Variants in PCDHGA11 observed in about 807,000 individuals in gnomAD.
The protein encoded by PCDHGA11 is protocadherin gamma-A11.
A neutral mutation model predicts 60.4 loss-of-function variants in PCDHGA11; 39 were observed. That is an observed-to-expected ratio of 0.65 (90% CI 0.50 to 0.84). The LOEUF (loss-of-function observed/expected upper bound fraction) is 0.84, where lower values mean the gene tolerates loss of function less well. Ranked by LOEUF, PCDHGA11 falls within the 40% of genes least tolerant of loss-of-function variation. The pLI, the probability that PCDHGA11 is intolerant of heterozygous loss-of-function variation, is 0.00. For missense variants in PCDHGA11, 1,165 were observed against 1,197.7 expected, an observed-to-expected ratio of 0.97 and a Z score of 0.40; for synonymous variants, 533 against 510.3, an observed-to-expected ratio of 1.04 and a Z score of -0.60.
chr5:141,477,379 A>C lies in PCDHGA11; in HGVS notation c.2434-17428A>C, dbSNP rs1293075706. The stretch of plus-strand genomic sequence containing the variant: ...CAGACCTGGATCGGGAGACTGTGCC[A>C]GAATACAACCTCAGCATCACCGCCC... On this transcript the variant is annotated intron_variant, in intron 1 of 3. Transcript: ENST00000398587. This position sits in a 1 kb window ranked among gnomAD's most constrained non-coding sequence, Gnocchi z 4.9. 2 of 1,614,184 alleles carry C rather than the reference A, an allele frequency of 1.2e-6. No homozygotes were observed. Among genetic ancestry groups the C allele is most frequent in the Non-Finnish European group, 1.7e-6 (2 of 1,180,034 alleles).
rs2099391466 is a variant in PCDHGA11, at chr5:141,476,424, C to T, written c.2434-18383C>T. ...GAGGAGCTGTGTGGGACACTGCCCT[C>T]TTGCACTGTAACTCTGGAGTTGGTA... is the stretch of plus-strand genomic sequence containing the variant. On this transcript the variant is annotated intron_variant, in intron 1 of 3. Coordinates refer to ENST00000398587, the MANE Select transcript of PCDHGA11 (RefSeq NM_018914.3). This position sits in a 1 kb window ranked among gnomAD's most constrained non-coding sequence, Gnocchi z 7.6. 1 of 1,613,978 alleles carries T rather than the reference C, an allele frequency of 6.2e-7. No individual in the cohort carries two copies. The highest frequency in any genetic ancestry group is 1.1e-5 in the South Asian group (1 of 91,076).
Position 141,421,393 on chromosome 5 carries a change from G to A in PCDHGA11, c.166G>A (p.Glu56Lys). 1 of 1,614,038 alleles carries A rather than the reference G, an allele frequency of 6.2e-7. No homozygotes were observed. Among genetic ancestry groups the A allele is most frequent in the Non-Finnish European group, 8.5e-7 (1 of 1,179,910 alleles). The stretch of plus-strand genomic sequence containing the variant: ...CAATATCTCCAAGGACCTGGGGCTG[G>A]AGCCCCGGGAGCTGGCGAAGCGCGG... Reference protein sequence around the residue: ...VGNISKDLGLEPRELAKRGVR... With the variant: ...VGNISKDLGLKPRELAKRGVR... The change falls in exon 1 of 4, where the codon GAG becomes AAG. Residue 56 changes from glutamate to lysine, a missense_variant. Glu to Lys is a moderately conservative substitution (Grantham distance 56, BLOSUM62 1). Coordinates refer to ENST00000398587, the MANE Select transcript of PCDHGA11 (RefSeq NM_018914.3).
intron 1 of PCDHGA11, among the ~76,000 whole-genome samples, chr5:141,461,433 C>A (rs183800312): frequency 1.3e-5 from 2 of 151,970 alleles, no homozygotes; most frequent in Non-Finnish European, 1.5e-5. Context: ...CATTTGTATA[C>A]CTTCTTTTGA....
At chr5:141,468,140 C>T (rs910524133) in intron 1 of PCDHGA11, among the ~76,000 whole-genome samples, 3 of 151,942 alleles carry the variant, frequency 2.0e-5, no homozygotes, top group African/African-American at 7.2e-5. Flanking sequence ...GCCTGGCCAA[C>T]ATGGTGAAAC....
intron 1 of PCDHGA11, among the ~76,000 whole-genome samples, chr5:141,437,499 CA>C (rs2097890101): frequency 6.6e-6 from 1 of 152,076 alleles, no homozygotes; most frequent in African/African-American, 2.4e-5. Context: ...GATCACTTTT[CA>C]ATGAATTATA....
At chr5:141,467,987 A>G (rs888811899) in intron 1 of PCDHGA11, among the ~76,000 whole-genome samples, 10 of 152,216 alleles carry the variant, frequency 6.6e-5, no homozygotes, top group Non-Finnish European at 8.8e-5. Flanking sequence ...TCAGAAAACC[A>G]CAATTCTTTC....
Position 141,491,547 on chromosome 5 carries a change from G to A in PCDHGA11, c.2434-3260G>A. On this transcript the variant is annotated intron_variant, in intron 1 of 3. Transcript: ENST00000398587. This position sits in a 1 kb window ranked among gnomAD's most constrained non-coding sequence, Gnocchi z 6.9. ...AGGTGACGCTGCGGCCCACAGACTC[G>A]CAGAGCCACTGCTACAGGACGTGCT... is the stretch of plus-strand genomic sequence containing the variant. The A allele has an allele frequency of 4.3e-6, 7 of 1,613,974 alleles. No individual in the cohort carries two copies. The highest frequency in any genetic ancestry group is 5.9e-6 in the Non-Finnish European group (7 of 1,180,022).
At chr5:141,441,863 C>A in intron 1 of PCDHGA11, 2 of 342,418 alleles carry the variant, frequency 5.8e-6, no homozygotes, top group African/African-American at 2.2e-5. Flanking sequence ...CTGCACGCCG[C>A]GGAGCCTGGC....
intron 1 of PCDHGA11, among the ~76,000 whole-genome samples, chr5:141,460,801 ATATGTATG>A (rs2098998171): frequency 6.6e-6 from 1 of 152,010 alleles, no homozygotes; most frequent in Non-Finnish European, 1.5e-5. Context: ...CAAAGTATAT[ATATGTATG>A]TATACATATA....
At chr5:141,497,839 A>G (rs1399696596) in intron 2 of PCDHGA11, among the ~76,000 whole-genome samples, 1 of 152,044 alleles carries the variant, frequency 6.6e-6, no homozygotes, top group East Asian at 1.9e-4. Flanking sequence ...CCCGGCCACA[A>G]CAAACATTTT....
chr5:141,499,401 C>A lies in PCDHGA11; in HGVS notation c.2492+4536C>A, dbSNP rs115575614. ...TTCCACTTATAAAATAGTACATGCTCATTATAGAAACATGAAAAATAGAAA... is the reference window on the plus strand; with the variant it reads ...TTCCACTTATAAAATAGTACATGCTAATTATAGAAACATGAAAAATAGAAA... On this transcript the variant is annotated intron_variant, in intron 2 of 3. Coordinates refer to ENST00000398587, the MANE Select transcript of PCDHGA11 (RefSeq NM_018914.3). Among the ~76,000 whole-genome samples, 871 of 152,186 alleles carry A rather than the reference C, an allele frequency of 5.7e-3. 5 individuals are homozygous for A. Among genetic ancestry groups the A allele is most frequent in the African/African-American group, 0.02 (847 of 41,502 alleles).
intron 2 of PCDHGA11, among the ~76,000 whole-genome samples, chr5:141,498,112 AG>A (rs947089103): frequency 2.0e-5 from 3 of 152,232 alleles, no homozygotes; most frequent in African/African-American, 7.2e-5. Flanking sequence ...GGCGTATAAT[AG>A]GGATTTGATT....
In PCDHGA11 at chr5:141,485,985, T is replaced by C. The variant is rs748867624; in HGVS notation, c.2434-8822T>C. 5.6e-6 allele frequency: 9 copies of C among 1,614,086 alleles called. No homozygotes were observed. Among genetic ancestry groups the C allele is most frequent in the South Asian group, 5.5e-5 (5 of 91,094 alleles). On this transcript the variant is annotated intron_variant, in intron 1 of 3. Coordinates refer to ENST00000398587, the MANE Select transcript of PCDHGA11 (RefSeq NM_018914.3). The surrounding 1 kb of genome is among the most constrained non-coding windows in gnomAD (Gnocchi z 5.7). ...CAGCTCAATGCCTCAGACCCGGACC[T>C]GGGTCCCAGTGGTAACGTCACCTTT...
In PCDHGA11 at chr5:141,476,352, T is replaced by C. The variant is rs2099389565; in HGVS notation, c.2434-18455T>C. The C allele has an allele frequency of 1.2e-6, 2 of 1,613,826 alleles. No individual in the cohort carries two copies. Among genetic ancestry groups the C allele is most frequent in the African/African-American group, 1.3e-5 (1 of 74,852 alleles). On this transcript the variant is annotated intron_variant, in intron 1 of 3. Transcript: ENST00000398587. The surrounding 1 kb of genome is among the most constrained non-coding windows in gnomAD (Gnocchi z 7.6). ...GGAGCTAGCCGAAGATTCTTTGAGG[T>C]GAACCGGGAGACCGGAGAGATGTTT...
chr5:141,456,026 T>A (rs2098840894), intron 1 of PCDHGA11, among the ~76,000 whole-genome samples: 1 of 151,690 alleles, frequency 6.6e-6, no homozygotes, highest in African/African-American at 2.4e-5. Context: ...GCCTCCCGAG[T>A]AGCTGGGACT....
At chr5:141,449,531 G>A (rs1421489293) in intron 1 of PCDHGA11, among the ~76,000 whole-genome samples, 2 of 149,216 alleles carry the variant, frequency 1.3e-5, no homozygotes, top group Admixed American at 6.7e-5. Flanking sequence ...GGAGGTTGCA[G>A]TGAGCCGAGA....
intron 1 of PCDHGA11, chr5:141,478,533 C>G: frequency 6.2e-7 from 1 of 1,608,070 alleles, no homozygotes; most frequent in African/African-American, 1.3e-5. Context: ...GCAGAGAGCG[C>G]CCCTCCCGGA....
intron 1 of PCDHGA11, among the ~76,000 whole-genome samples, chr5:141,471,737 A>G (rs2099263581): frequency 6.6e-6 from 1 of 152,232 alleles, no homozygotes; most frequent in Non-Finnish European, 1.5e-5. Context: ...AAGGTTGGAG[A>G]CATAACATAT....
intron 1 of PCDHGA11, among the ~76,000 whole-genome samples, chr5:141,468,921 G>A (rs1254189500): frequency 6.6e-6 from 1 of 151,342 alleles, no homozygotes; most frequent in African/African-American, 2.4e-5. Context: ...GAAGAGAATA[G>A]CACTAAAATG....
Sources: gnomAD v4.1 joint callset for allele counts (sites outside exome capture counted in the v4.1 genomes callset) on GRCh38, gnomAD v4.1.1 for gene constraint, Gnocchi (gnomAD v3.1) non-coding constraint, MANE v1.5 for transcripts, NCBI Gene and HGNC (gene_info 2026-07-23, HGNC 2026-07-21) for gene names.